The following TECRL variants were observed in gnomAD, a reference collection of about 807,000 sequenced individuals.
The protein encoded by TECRL is trans-2,3-enoyl-CoA reductase like.
In TECRL, 63 loss-of-function variants were observed where a neutral mutation model predicts 52.8. The observed-to-expected ratio is 1.19, with a 90% CI of 0.97 to 1.47. The LOEUF (loss-of-function observed/expected upper bound fraction) is 1.47, where lower values mean the gene tolerates loss of function less well. Among genes scored for constraint, TECRL ranks in the 40% most tolerant of loss-of-function variants. The probability of loss-of-function intolerance (pLI) is 0.00; values close to 1 mark genes in which losing one functional copy is unlikely to be tolerated. For missense variants in TECRL, 482 were observed against 429.6 expected, an observed-to-expected ratio of 1.12 and a Z score of -1.08; for synonymous variants, 164 against 141.9, an observed-to-expected ratio of 1.16 and a Z score of -1.10.
intron 5 of TECRL, 59 bp downstream of exon 5, chr4:64,314,589 T>C: frequency 1.0e-6 from 1 of 1,003,514 alleles, no homozygotes; most frequent in Non-Finnish European, 1.5e-6. Context: ...TTAACGTGTA[T>C]GGTGTGTGTG....
chr4:64,348,533 G>T (rs1228784706), intron 2 of TECRL, among the ~76,000 whole-genome samples: 1 of 152,074 alleles, frequency 6.6e-6, no homozygotes, highest in African/African-American at 2.4e-5. Context: ...TCCTACCTCG[G>T]TTCCACATCT....
intron 1 of TECRL, among the ~76,000 whole-genome samples, chr4:64,394,823 C>CTTTTAA (rs532613600): frequency 2.8e-3 from 416 of 151,256 alleles, no homozygotes; most frequent in African/African-American, 9.4e-3. Flanking sequence ...AAGTAGGAAA[C>CTTTTAA]ACTGAGCTCT....
chr4:64,382,552 G>C (rs1722892796), intron 1 of TECRL, among the ~76,000 whole-genome samples: 2 of 151,078 alleles, frequency 1.3e-5, no homozygotes, highest in African/African-American at 4.9e-5. Flanking sequence ...GTTTTCGTTT[G>C]TATGGAATAT....
chr4:64,310,021 T>C, intron 5 of TECRL, 90 bp from the exon 6 acceptor site: 1 of 680,820 alleles, frequency 1.5e-6, no homozygotes, highest in Non-Finnish European at 2.5e-6. Flanking sequence ...TTTAGTTTAA[T>C]ATGCTAGCTA....
intron 1 of TECRL, among the ~76,000 whole-genome samples, chr4:64,384,456 C>T (rs550953453): frequency 6.6e-6 from 1 of 152,076 alleles, no homozygotes; most frequent in Non-Finnish European, 1.5e-5. Flanking sequence ...GGGCCATCCT[C>T]AGGCTTTCAA....
At chr4:64,338,683 T>A (rs538977581) in intron 2 of TECRL, among the ~76,000 whole-genome samples, 1 of 152,330 alleles carries the variant, frequency 6.6e-6, no homozygotes, top group East Asian at 1.9e-4. Context: ...CATGATAAAA[T>A]GTTCATCATC....
intron 9 of TECRL, among the ~76,000 whole-genome samples, 182 bp downstream of exon 9, chr4:64,289,528 A>G (rs369162100): frequency 1.3e-5 from 2 of 152,282 alleles, no homozygotes; most frequent in East Asian, 3.9e-4. Flanking sequence ...TAGAGAAATC[A>G]TTACTAGAGA....
chr4:64,310,120 G>T (rs1451801233), intron 5 of TECRL, among the ~76,000 whole-genome samples, 189 bp from the exon 6 acceptor site: 1 of 152,070 alleles, frequency 6.6e-6, no homozygotes, highest in Non-Finnish European at 1.5e-5. Context: ...AATAAAAGTA[G>T]CTGTTATAAG....
intron 8 of TECRL, among the ~76,000 whole-genome samples, chr4:64,295,863 T>C (rs1278352224): frequency 6.6e-6 from 1 of 152,106 alleles, no homozygotes; most frequent in East Asian, 1.9e-4. Context: ...ATTTTATATC[T>C]TTAATTAGTC....
Position 64,395,717 on chromosome 4 carries a change from G to A in TECRL, c.234+13401C>T, listed in dbSNP as rs940360589. On this transcript the variant is annotated intron_variant, in intron 1 of 11. Coordinates refer to ENST00000381210, the MANE Select transcript of TECRL (RefSeq NM_001010874.5). The stretch of plus-strand genomic sequence containing the variant: ...GAGGGTACATGTGCAGGTTTGTTAC[G>A]GGGGTAAACTGCATGACACAGGAGT... 1.1e-4 allele frequency among the ~76,000 whole-genome samples: 16 copies of A among 152,006 alleles called. No homozygotes were observed. In the South Asian group the frequency reaches 1.9e-3, roughly 18 times the overall value.
chr4:64,298,612 C>T (rs1723825075), intron 8 of TECRL, among the ~76,000 whole-genome samples: 2 of 150,522 alleles, frequency 1.3e-5, no homozygotes. Flanking sequence ...ACATACATAG[C>T]CATATTATAT....
chr4:64,290,297 C>A (rs573555354), intron 8 of TECRL, among the ~76,000 whole-genome samples: 1 of 56,388 alleles, frequency 1.8e-5, no homozygotes, highest in South Asian at 1.0e-3. Context: ...TACTAGTTGT[C>A]CCTGTTAATA....
chr4:64,365,730 T>C (rs905450396), intron 2 of TECRL, among the ~76,000 whole-genome samples: 1 of 151,816 alleles, frequency 6.6e-6, no homozygotes, highest in South Asian at 2.1e-4. Context: ...CAATTAGAGA[T>C]GACACCAAGA....
chr4:64,306,859 C>A (rs1389614600), intron 6 of TECRL, among the ~76,000 whole-genome samples: 2 of 152,174 alleles, frequency 1.3e-5, no homozygotes, highest in Non-Finnish European at 2.9e-5. Context: ...GCTCACCAAG[C>A]CCCAAACTCC....
chr4:64,388,534 G>T (rs1327145777), intron 1 of TECRL, among the ~76,000 whole-genome samples: 1 of 151,732 alleles, frequency 6.6e-6, no homozygotes, highest in Non-Finnish European at 1.5e-5. Flanking sequence ...ATATACTTTA[G>T]AAACAGTTTG....
At chr4:64,365,658 A>G (rs72614756) in intron 2 of TECRL, among the ~76,000 whole-genome samples, 34,699 of 151,968 alleles carry the variant, frequency 0.23, 4,110 homozygotes, top group Middle Eastern at 0.3. Flanking sequence ...AATACCTGGG[A>G]CTATAGCTAA....
At chr4:64,403,561 A>T (rs922679215) in intron 1 of TECRL, among the ~76,000 whole-genome samples, 7 of 151,602 alleles carry the variant, frequency 4.6e-5, no homozygotes, top group Non-Finnish European at 8.8e-5. Context: ...TCTTCTTATA[A>T]ACTATCTAGG....
At chr4:64,367,154 T>C (rs1407746500) in intron 2 of TECRL, among the ~76,000 whole-genome samples, 17 of 152,134 alleles carry the variant, frequency 1.1e-4, no homozygotes, top group Admixed American at 9.9e-4. Context: ...AAATACTGTG[T>C]GTTCTCACTT....
rs1040232819 is a variant in TECRL, at chr4:64,332,673, T to C, written c.287-4117A>G. Among the ~76,000 whole-genome samples, 8 of 152,192 alleles carry C rather than the reference T, an allele frequency of 5.3e-5. No homozygotes were observed. In the East Asian group the frequency reaches 1.5e-3, roughly 29 times the overall value. On this transcript the variant is annotated intron_variant, in intron 2 of 11. Transcript: ENST00000381210. ...CAGAATTATTTGGAAATCTAGAAAC[T>C]ACGGAAAGAAACACAGACATTTTGG...
Sources: allele counts gnomAD v4.1 joint callset (sites outside exome capture counted in the v4.1 genomes callset), GRCh38; gene constraint gnomAD v4.1.1; transcripts MANE v1.5; gene names NCBI Gene and HGNC (gene_info 2026-07-23, HGNC 2026-07-21).